Variants in WFS1 observed in about 807,000 individuals in gnomAD.
WFS1 encodes the protein wolframin.
In WFS1, 90 loss-of-function variants were observed where a neutral mutation model predicts 68.5. The observed-to-expected ratio is 1.31, with a 90% CI of 1.11 to 1.56. WFS1 has a LOEUF of 1.56. WFS1 is among the 40% of genes most tolerant of loss of function. WFS1 has a pLI of 0.00. For synonymous variants in WFS1, 860 were observed against 540.7 expected (o/e 1.59, Z -8.19); for missense variants, 1,767 against 1,232.6 (o/e 1.43, Z -6.49).
chr4:6,301,700 C>T lies in WFS1; in HGVS notation c.1905C>T (p.Leu635=). ...TGACGCGGAGCTCCATGGTCAAGCTCATCCTGGTGTGGCTCACGGCCATCG... is the reference window on the plus strand; with the variant it reads ...TGACGCGGAGCTCCATGGTCAAGCTTATCCTGGTGTGGCTCACGGCCATCG... The part of the protein sequence containing the change: ...KSLTRSSMVK[L]ILVWLTAIVL... The change falls in exon 8 of 8, where the codon CTC becomes CTT. Residue 635 remains leucine (L), a synonymous_variant. Coordinates refer to ENST00000226760, the MANE Select transcript of WFS1 (RefSeq NM_006005.3). The T allele has an allele frequency of 1.9e-6, 3 of 1,614,102 alleles. No individual in the cohort carries two copies. The highest frequency in any genetic ancestry group is 2.2e-5 in the South Asian group (2 of 91,092).
intron 4 of WFS1, among the ~76,000 whole-genome samples, chr4:6,290,811 G>A (rs1000254218): frequency 6.6e-6 from 1 of 152,140 alleles, no homozygotes; most frequent in African/African-American, 2.4e-5. Context: ...CCAGGCTGGT[G>A]ACTGCAGTGA....
Position 6,302,522 on chromosome 4 carries a change from A to G in WFS1, c.*54A>G, listed in dbSNP as rs71526455. ...GCATGTTGCCATGAGGCCTTTCCCC[A>G]GTGTGGCCCCAGCCCGACAGGCATG... On this transcript the variant is annotated 3_prime_UTR_variant, in exon 8 of 8. Transcript: ENST00000226760. The G allele has an allele frequency of 3.4e-3, 5,389 of 1,605,362 alleles. 137 individuals carry two copies. In the African/African-American group the frequency reaches 0.061, roughly 18 times the overall value.
chr4:6,291,759 C>T (rs1286362537), intron 5 of WFS1, among the ~76,000 whole-genome samples, 158 bp from the exon 6 acceptor site: 3 of 152,148 alleles, frequency 2.0e-5, no homozygotes, highest in Non-Finnish European at 4.4e-5. Context: ...AGAGGTGTGG[C>T]CCCTGCTCTG....
At chr4:6,271,478 A>T (rs1258078875) in intron 1 of WFS1, among the ~76,000 whole-genome samples, 1 of 152,214 alleles carries the variant, frequency 6.6e-6, no homozygotes, top group Non-Finnish European at 1.5e-5. Flanking sequence ...CTGCACTGCC[A>T]GACAGACCCG....
intron 1 of WFS1, among the ~76,000 whole-genome samples, chr4:6,275,594 TGGGGTG>T (rs1197202979): frequency 3.4e-3 from 6 of 1,744 alleles, no homozygotes; most frequent in Non-Finnish European, 6.8e-3. Flanking sequence ...TGCACGGGGG[TGGGGTG>T]GGGGGGGGGG....
chr4:6,290,817 A>C (rs1031760251), intron 4 of WFS1, among the ~76,000 whole-genome samples: 1 of 152,186 alleles, frequency 6.6e-6, no homozygotes, highest in African/African-American at 2.4e-5. Context: ...TGGTGACTGC[A>C]GTGAGTCCAC....
At chr4:6,279,790 G>T (rs931937380) in intron 2 of WFS1, among the ~76,000 whole-genome samples, 1 of 152,232 alleles carries the variant, frequency 6.6e-6, no homozygotes, top group East Asian at 1.9e-4. Flanking sequence ...AGGAGGCATC[G>T]TCGGAGCCCC....
At chr4:6,291,516 C>A in intron 5 of WFS1, 149 bp downstream of exon 5, 1 of 1,083,332 alleles carries the variant, frequency 9.2e-7, no homozygotes, top group Non-Finnish European at 1.3e-6. Context: ...AGGGCCCTTC[C>A]TTGTGGGGAC....
chr4:6,297,414 C>G (rs375742420), intron 7 of WFS1, among the ~76,000 whole-genome samples: 1 of 152,174 alleles, frequency 6.6e-6, no homozygotes. Flanking sequence ...AAGAATGTTC[C>G]AGACTCCACA....
At position 6,301,742 on chromosome 4, in the gene WFS1, C is replaced by T. The variant is rs886044044; in HGVS notation, c.1947C>T (p.Phe649=). Residue 649 remains phenylalanine (F), a synonymous_variant, in exon 8 of 8, where the codon TTC becomes TTT. Coordinates refer to ENST00000226760, the MANE Select transcript of WFS1 (RefSeq NM_006005.3). ...WLTAIVLFCW[F]YVYRSEGMKV... Reference sequence around the variant, plus strand: ...CGGCCATCGTGCTGTTCTGCTGGTTCTATGTGTACCGCTCAGAGGGCATGA... The same window carrying T: ...CGGCCATCGTGCTGTTCTGCTGGTTTTATGTGTACCGCTCAGAGGGCATGA... The T allele has an allele frequency of 2.5e-6, 4 of 1,613,960 alleles. No individual in the cohort carries two copies. The highest frequency in any genetic ancestry group is 2.2e-5 in the South Asian group (2 of 91,086).
chr4:6,277,912 C>G (rs116073855), intron 2 of WFS1, among the ~76,000 whole-genome samples: 1 of 152,248 alleles, frequency 6.6e-6, no homozygotes, highest in Non-Finnish European at 1.5e-5. Context: ...CTGGTGCCCC[C>G]ACTCCTCTGC....
Position 6,278,234 on chromosome 4 carries a change from C to T in WFS1, c.232+547C>T, listed in dbSNP as rs555959542. Among the ~76,000 whole-genome samples the T allele has an allele frequency of 9.2e-5, 14 of 152,192 alleles. No individual in the cohort carries two copies. In the South Asian group the frequency reaches 2.9e-3, roughly 32 times the overall value. ...CTTCACAGGCCGAGCTGACTGAGGC[C>T]CTGGGTGTTCAAAGCAGAGCTGAGG... On this transcript the variant is annotated intron_variant, in intron 2 of 7. Coordinates refer to ENST00000226760, the MANE Select transcript of WFS1 (RefSeq NM_006005.3).
intron 2 of WFS1, among the ~76,000 whole-genome samples, chr4:6,278,448 T>A (rs1458526104): frequency 6.6e-6 from 1 of 152,236 alleles, no homozygotes; most frequent in Non-Finnish European, 1.5e-5. Context: ...TCACTGCCCC[T>A]CCTGCCCATG....
At position 6,291,341 on chromosome 4, in the gene WFS1, A is replaced by G. The variant is rs1064794257; in HGVS notation, c.605A>G (p.Glu202Gly). ...KKQVAVAELL[E>G]NVGQVNEHDG... ...CAGGTGGCCGTGGCGGAGCTGCTGG[A>G]GAATGTCGGCCAGGTCAACGAGCAC... Residue 202 changes from glutamate to glycine, a missense_variant, in exon 5 of 8, where the codon GAG becomes GGG. By Grantham distance (98) the Glu-to-Gly change is moderately conservative. Coordinates refer to ENST00000226760, the MANE Select transcript of WFS1 (RefSeq NM_006005.3). 4.0e-5 allele frequency: 64 copies of G among 1,613,106 alleles called. No individual in the cohort carries two copies. The highest frequency in any genetic ancestry group is 5.3e-5 in the Non-Finnish European group (62 of 1,180,008).
In WFS1 at chr4:6,283,501, C is replaced by G. The variant is rs4343789; in HGVS notation, c.233-3592C>G. Among the ~76,000 whole-genome samples the G allele has an allele frequency of 0.62, 94,649 of 152,068 alleles. 30,146 individuals carry two copies. Among genetic ancestry groups the G allele is most frequent in the East Asian group, 0.94 (4,868 of 5,174 alleles). On this transcript the variant is annotated intron_variant, in intron 2 of 7. Coordinates refer to ENST00000226760, the MANE Select transcript of WFS1 (RefSeq NM_006005.3). The surrounding 1 kb of genome is among the most constrained non-coding windows in gnomAD (Gnocchi z 5.0). ...GCTCAGATGATGTCATCAGGAAGTA[C>G]TCCCCCGCCCCCATTCCACTCTGCT...
In WFS1 at chr4:6,287,747, C is replaced by T. The variant is rs760784769; in HGVS notation, c.315+572C>T. ...GAATTCTGGTGAGGGGAGAAGCCAG[C>T]AGAACGCTGAGACGGGAGGTGGCAG... is the stretch of plus-strand genomic sequence containing the variant. On this transcript the variant is annotated intron_variant, in intron 3 of 7. Coordinates refer to ENST00000226760, the MANE Select transcript of WFS1 (RefSeq NM_006005.3). This position sits in a 1 kb window ranked among gnomAD's most constrained non-coding sequence, Gnocchi z 6.4. Among the ~76,000 whole-genome samples, 31 of 152,074 alleles carry T rather than the reference C, an allele frequency of 2.0e-4. No individual in the cohort carries two copies. The highest frequency in any genetic ancestry group is 3.8e-4 in the Non-Finnish European group (26 of 68,012).
intron 1 of WFS1, among the ~76,000 whole-genome samples, chr4:6,275,022 T>C (rs1382157887): frequency 6.6e-6 from 1 of 152,080 alleles, no homozygotes; most frequent in African/African-American, 2.4e-5. Flanking sequence ...CATTTCCCCA[T>C]CTATAACTCT....
chr4:6,277,704 G>T lies in WFS1; in HGVS notation c.232+17G>T. The T allele has an allele frequency of 6.4e-7, 1 of 1,551,018 alleles. No homozygotes were observed. The highest frequency in any genetic ancestry group is 8.7e-7 in the Non-Finnish European group (1 of 1,148,204). On this transcript the variant is annotated intron_variant, in intron 2 of 7. Transcript: ENST00000226760. ...ACGGCACCGGTAAGGGAGCAGGCTGGGAAGCCCAGGCTGGGGATGTTCAGG... is the reference window on the plus strand; with the variant it reads ...ACGGCACCGGTAAGGGAGCAGGCTGTGAAGCCCAGGCTGGGGATGTTCAGG...
At position 6,302,771 on chromosome 4, in the gene WFS1, C is replaced by G. The variant is rs767766387; in HGVS notation, c.*303C>G. 1 of 513,556 alleles carries G rather than the reference C, an allele frequency of 1.9e-6. No individual in the cohort carries two copies. The highest frequency in any genetic ancestry group is 3.5e-5 in the Admixed American group (1 of 28,616). The allele number at this position is 513,556 out of a possible 1,614,324, so 31.8% of individuals were successfully genotyped here. On this transcript the variant is annotated 3_prime_UTR_variant, in exon 8 of 8. Transcript: ENST00000226760. ...TAGGAGGTTCCGGTGTCTGGAAAAGCACTTTACAGATGAGATTCCCTCTCC... is the reference window on the plus strand; with the variant it reads ...TAGGAGGTTCCGGTGTCTGGAAAAGGACTTTACAGATGAGATTCCCTCTCC...
Sources: gnomAD v4.1 joint callset for allele counts (sites outside exome capture counted in the v4.1 genomes callset) on GRCh38, gnomAD v4.1.1 for gene constraint, Gnocchi (gnomAD v3.1) non-coding constraint, MANE v1.5 for transcripts, NCBI Gene and HGNC (gene_info 2026-07-23, HGNC 2026-07-21) for gene names.